Variants in CLIP4 observed in about 807,000 individuals in gnomAD.
CLIP4 encodes CAP-Gly domain-containing linker protein 4.
CLIP4 carries 47 observed loss-of-function variants against 73.1 expected under a neutral mutation model. The observed-to-expected ratio is 0.64, with a 90% CI of 0.51 to 0.82. The LOEUF is 0.82. Among genes scored for constraint, CLIP4 ranks in the 40% least tolerant of loss-of-function variants. The pLI is 0.00. For missense variants in CLIP4, 874 were observed against 852.9 expected, an observed-to-expected ratio of 1.02 and a Z score of -0.31; for synonymous variants, 306 against 295.4, an observed-to-expected ratio of 1.04 and a Z score of -0.37.
chr2:29,110,912 C>T (rs1668368797), upstream of CLIP4, among the ~76,000 whole-genome samples: 2 of 152,134 alleles, frequency 1.3e-5, no homozygotes, highest in African/African-American at 4.8e-5. Flanking sequence ...TGGTCTTGAA[C>T]CCCTGGCCTC....
chr2:29,104,660 C>G (rs2148434815), intron 1 of CLIP4, among the ~76,000 whole-genome samples: 1 of 152,002 alleles, frequency 6.6e-6, no homozygotes, highest in Admixed American at 6.5e-5. Context: ...GTCTCAGATT[C>G]AGCTGAGACC....
chr2:29,139,248 G>A (rs1370809405), intron 6 of CLIP4, among the ~76,000 whole-genome samples: 3 of 151,244 alleles, frequency 2.0e-5, no homozygotes, highest in Admixed American at 6.6e-5. Context: ...TGCTTTTTCT[G>A]TGTCTATTGA....
chr2:29,149,815 T>TAATTTAA (rs1198031967), intron 8 of CLIP4, among the ~76,000 whole-genome samples: 1 of 152,128 alleles, frequency 6.6e-6, no homozygotes, highest in Non-Finnish European at 1.5e-5. Context: ...ATTAAATATT[T>TAATTTAA]AATTTAATAC....
chr2:29,149,764 A>G (rs1666424753), intron 8 of CLIP4, among the ~76,000 whole-genome samples: 1 of 151,604 alleles, frequency 6.6e-6, no homozygotes, highest in South Asian at 2.1e-4. Context: ...AACTATATAG[A>G]TGAAGTTTTA....
intron 2 of CLIP4, among the ~76,000 whole-genome samples, chr2:29,123,450 T>C (rs940954200): frequency 6.6e-6 from 1 of 152,136 alleles, no homozygotes; most frequent in African/African-American, 2.4e-5. Flanking sequence ...AAATAGGTCA[T>C]AATGAATTCT....
At chr2:29,170,604 A>C (rs761130812) in intron 14 of CLIP4, among the ~76,000 whole-genome samples, 2 of 152,258 alleles carry the variant, frequency 1.3e-5, no homozygotes, top group Middle Eastern at 3.4e-3. Flanking sequence ...TTTAGTTTTA[A>C]TGAAGTCCGA....
At chr2:29,119,478 G>C (rs1664108278) in intron 1 of CLIP4, among the ~76,000 whole-genome samples, 1 of 152,134 alleles carries the variant, frequency 6.6e-6, no homozygotes, top group Non-Finnish European at 1.5e-5. Context: ...GATATCCACT[G>C]AATCTTTTTG....
chr2:29,167,052 T>C (rs1323365511), intron 13 of CLIP4, among the ~76,000 whole-genome samples: 1 of 152,226 alleles, frequency 6.6e-6, no homozygotes, highest in African/African-American at 2.4e-5. Flanking sequence ...ATTAGCCATA[T>C]AGTTTTACCA....
At chr2:29,136,874 A>G (rs1211985328) in intron 6 of CLIP4, among the ~76,000 whole-genome samples, 2 of 151,952 alleles carry the variant, frequency 1.3e-5, no homozygotes, top group Non-Finnish European at 2.9e-5. Context: ...TTAGGATGCC[A>G]TGAGATACGT....
chr2:29,136,309 A>G (rs1417709383), intron 6 of CLIP4, among the ~76,000 whole-genome samples: 6 of 151,918 alleles, frequency 3.9e-5, no homozygotes, highest in Non-Finnish European at 7.4e-5. Flanking sequence ...TGAGCGGCAG[A>G]TAGTGTGCAG....
intron 9 of CLIP4, among the ~76,000 whole-genome samples, chr2:29,155,407 C>T (rs201175004): frequency 3.2e-4 from 2 of 6,304 alleles, no homozygotes; most frequent in Non-Finnish European, 2.5e-3. Flanking sequence ...CAAGTGTATA[C>T]ACACACACAC....
At chr2:29,099,222 T>C (rs77535529) in intron 1 of CLIP4, among the ~76,000 whole-genome samples, 21,642 of 152,202 alleles carry the variant, frequency 0.14, 1,785 homozygotes, top group Middle Eastern at 0.27. Context: ...AACTTGTCAG[T>C]TTTTTCTTTC....
intron 1 of CLIP4, among the ~76,000 whole-genome samples, chr2:29,120,777 A>C (rs1664198749): frequency 6.6e-6 from 1 of 152,166 alleles, no homozygotes; most frequent in Non-Finnish European, 1.5e-5. Flanking sequence ...AATATAAGCC[A>C]TGTGCTTTAA....
Position 29,174,365 on chromosome 2 carries a change from A to T in CLIP4, c.1724-8A>T, listed in dbSNP as rs945215884. On this transcript the variant is annotated splice_region_variant and splice_polypyrimidine_tract_variant and intron_variant, in intron 14 of 15. Transcript: ENST00000320081. The stretch of plus-strand genomic sequence containing the variant: ...TTTTCCTCTGCTAACCCCAACTTTC[A>T]TATTTAGGTTTTAGGAGAAGTTTTA... The T allele has an allele frequency of 3.1e-6, 5 of 1,605,720 alleles. No homozygotes were observed. In the Admixed American group the frequency reaches 6.8e-5, roughly 22 times the overall value.
rs369532666 is a variant in CLIP4, at chr2:29,157,186, G to C, written c.1256-18G>C. ...CATCTTATTTTCCACCGTTTGACAC[G>C]TTCTTTATCTGTTACAGTTGCCCTG... is the stretch of plus-strand genomic sequence containing the variant. On this transcript the variant is annotated intron_variant, in intron 10 of 15. Coordinates refer to ENST00000320081, the MANE Select transcript of CLIP4 (RefSeq NM_024692.6). The C allele has an allele frequency of 3.4e-5, 54 of 1,611,814 alleles. No individual in the cohort carries two copies. The highest frequency in any genetic ancestry group is 4.4e-5 in the Non-Finnish European group (52 of 1,178,082).
At chr2:29,181,064 A>G (rs188199539) in intron 15 of CLIP4, among the ~76,000 whole-genome samples, 1 of 152,306 alleles carries the variant, frequency 6.6e-6, no homozygotes, top group East Asian at 1.9e-4. Context: ...ACTCCCCCAA[A>G]ACTTAACTAC....
chr2:29,133,231 A>T (rs1043787652), intron 4 of CLIP4, among the ~76,000 whole-genome samples: 1 of 152,170 alleles, frequency 6.6e-6, no homozygotes, highest in Non-Finnish European at 1.5e-5. Context: ...ATTTCAGTTA[A>T]CATAATGAGA....
chr2:29,108,829 A>T (rs1668305691), intron 1 of CLIP4, among the ~76,000 whole-genome samples: 1 of 152,246 alleles, frequency 6.6e-6, no homozygotes, highest in South Asian at 2.1e-4. Context: ...ATATAATTTA[A>T]TATCCAGTCT....
intron 9 of CLIP4, among the ~76,000 whole-genome samples, chr2:29,156,082 A>G (rs933520289): frequency 6.6e-6 from 1 of 152,216 alleles, no homozygotes; most frequent in African/African-American, 2.4e-5. Flanking sequence ...TAGTATTCTC[A>G]GGAAGAAATC....
Sources: gnomAD v4.1 joint callset for allele counts (sites outside exome capture counted in the v4.1 genomes callset) on GRCh38, gnomAD v4.1.1 for gene constraint, MANE v1.5 for transcripts, NCBI Gene and HGNC (gene_info 2026-07-23, HGNC 2026-07-21) for gene names.